Variants in SNX25 observed in about 807,000 individuals in gnomAD.
SNX25 encodes sorting nexin 25, also known as sorting nexin-25.
A neutral mutation model predicts 113.7 loss-of-function variants in SNX25; 62 were observed. The observed-to-expected ratio is 0.55, with a 90% CI of 0.44 to 0.67. The LOEUF (loss-of-function observed/expected upper bound fraction) is 0.67. Among genes scored for constraint, SNX25 ranks in the 30% least tolerant of loss-of-function variants. The pLI is 0.00. For missense variants in SNX25, 1,014 were observed against 1,161.0 expected (o/e 0.87, Z 1.84); for synonymous variants, 421 against 436.2 (o/e 0.97, Z 0.43).
chr4:185,329,149 T>C (rs1021862170), intron 9 of SNX25, among the ~76,000 whole-genome samples: 3 of 152,154 alleles, frequency 2.0e-5, no homozygotes, highest in African/African-American at 7.2e-5. Flanking sequence ...CTATTCGTGG[T>C]TATAAAGTTG....
At chr4:185,307,041 A>G (rs2126656272) in intron 6 of SNX25, among the ~76,000 whole-genome samples, 1 of 152,352 alleles carries the variant, frequency 6.6e-6, no homozygotes, top group Non-Finnish European at 1.5e-5. Context: ...CATCTTGAAC[A>G]AGTCCATGTA....
At chr4:185,205,461 A>T (rs1737147231), upstream of SNX25, among the ~76,000 whole-genome samples, 1 of 152,170 alleles carries the variant, frequency 6.6e-6, no homozygotes, top group Non-Finnish European at 1.5e-5. Flanking sequence ...CTCAAAAAAA[A>T]AAAAAGCAAG....
chr4:185,273,993 C>T (rs72708063), intron 5 of SNX25, among the ~76,000 whole-genome samples: 2,809 of 151,960 alleles, frequency 0.018, 44 homozygotes, highest in Non-Finnish European at 0.029. Flanking sequence ...TCTAGAATTT[C>T]ACCCATCATA....
In SNX25 at chr4:185,353,455, C is replaced by G. The variant is rs759441863; in HGVS notation, c.2467-30C>G. On this transcript the variant is annotated intron_variant, in intron 14 of 18. Transcript: ENST00000652585. ...CTACCAATTTTCTTGGATAAGTTAT[C>G]TGCTTCCTATGACTTTGCTGTATTC... 14 of 1,551,214 alleles carry G rather than the reference C, an allele frequency of 9.0e-6. No homozygotes were observed. The South Asian group carries it at 1.6e-4, about 18-fold the overall frequency.
downstream of SNX25, chr4:185,372,810 G>A (rs1165872889): frequency 1.4e-6 from 2 of 1,446,068 alleles, no homozygotes; most frequent in South Asian, 1.3e-5. Context: ...ATTACCTAGT[G>A]TGTGATATTC....
intron 13 of SNX25, among the ~76,000 whole-genome samples, chr4:185,347,398 C>T (rs1261800535): frequency 6.6e-6 from 1 of 152,086 alleles, no homozygotes; most frequent in Non-Finnish European, 1.5e-5. Context: ...TTATTCTTAG[C>T]CATTTTGGGT....
chr4:185,348,702 T>C (rs1482859486), intron 13 of SNX25, among the ~76,000 whole-genome samples: 2 of 152,208 alleles, frequency 1.3e-5, no homozygotes, highest in Non-Finnish European at 2.9e-5. Flanking sequence ...CAGCCACATT[T>C]ATCATTTCTT....
intron 10 of SNX25, 117 bp from the exon 11 acceptor site, chr4:185,339,262 C>A: frequency 2.2e-6 from 2 of 906,196 alleles, no homozygotes; most frequent in Non-Finnish European, 3.3e-6. Context: ...GGATTATTCA[C>A]TGTTAGTGTA....
At chr4:185,270,332 C>G (rs375552802) in intron 5 of SNX25, among the ~76,000 whole-genome samples, 1 of 152,172 alleles carries the variant, frequency 6.6e-6, no homozygotes, top group Admixed American at 6.5e-5. Context: ...TTTCCTTTCC[C>G]TGCTACTATG....
intron 2 of SNX25, among the ~76,000 whole-genome samples, chr4:185,258,065 T>C (rs1746711510): frequency 6.6e-6 from 1 of 152,184 alleles, no homozygotes; most frequent in South Asian, 2.1e-4. Flanking sequence ...CCATTCCCAC[T>C]AGGACTGAGG....
intron 3 of SNX25, among the ~76,000 whole-genome samples, chr4:185,260,978 G>A (rs1456105322): frequency 2.0e-5 from 3 of 152,084 alleles, no homozygotes; most frequent in South Asian, 2.1e-4. Context: ...TGTGCTATCC[G>A]TTATTTCAAG....
Position 185,323,787 on chromosome 4 carries a change from A to G in SNX25, c.1736A>G (p.Asn579Ser). 1.2e-6 allele frequency: 2 copies of G among 1,613,156 alleles called. No individual in the cohort carries two copies. Among genetic ancestry groups the G allele is most frequent in the East Asian group, 2.2e-5 (1 of 44,784 alleles). Reference protein sequence around the residue: ...EEKHASQMISNKDEMGPRDEA... With the variant: ...EEKHASQMISSKDEMGPRDEA... The stretch of plus-strand genomic sequence containing the variant: ...AAACATGCCTCACAGATGATTTCCA[A>G]CAAGGATGAGATGGTGAGTCACATT... The change falls in exon 9 of 19, where the codon AAC (asparagine) becomes AGC (serine). Residue 579 changes from asparagine to serine, a missense_variant. By Grantham distance (46) the Asn-to-Ser change is conservative (BLOSUM62 1). Coordinates refer to ENST00000652585, the MANE Select transcript of SNX25 (RefSeq NM_001378034.2).
intron 9 of SNX25, among the ~76,000 whole-genome samples, chr4:185,326,664 C>T (rs954384675): frequency 6.6e-6 from 1 of 152,068 alleles, no homozygotes; most frequent in African/African-American, 2.4e-5. Context: ...CAAAGAGAGC[C>T]GAACACCATT....
At chr4:185,367,073 A>G, downstream of SNX25, 6 of 969,808 alleles carry the variant, frequency 6.2e-6, no homozygotes, top group Non-Finnish European at 9.6e-6. Flanking sequence ...TAAAATACCC[A>G]GGATAGTGTA....
chr4:185,253,301 CT>C (rs950753644), intron 2 of SNX25, among the ~76,000 whole-genome samples: 5 of 152,052 alleles, frequency 3.3e-5, no homozygotes, highest in Non-Finnish European at 7.4e-5. Context: ...CTCAGAGTGT[CT>C]TATAAAAGAC....
intron 7 of SNX25, among the ~76,000 whole-genome samples, chr4:185,314,686 C>T (rs570423789): frequency 9.3e-5 from 14 of 150,448 alleles, no homozygotes; most frequent in Middle Eastern, 6.9e-3. Flanking sequence ...GGTGACACCC[C>T]ATCTCTACTA....
At position 185,308,571 on chromosome 4, in the gene SNX25, A is replaced by G. The variant is rs189186537; in HGVS notation, c.1163-2064A>G. Among the ~76,000 whole-genome samples the G allele has an allele frequency of 1.1e-3, 165 of 152,314 alleles. No homozygotes were observed. The Middle Eastern group carries it at 0.024, about 22-fold the overall frequency. On this transcript the variant is annotated intron_variant, in intron 6 of 18. Transcript: ENST00000652585. ...CTAGAAAGAACACAATACCTGATAC[A>G]TATTAGCAAAATGTACCATTTGAGA...
At chr4:185,276,195 A>G (rs74974326) in intron 5 of SNX25, among the ~76,000 whole-genome samples, 3,419 of 152,282 alleles carry the variant, frequency 0.022, 107 homozygotes, top group African/African-American at 0.069. Flanking sequence ...GCACTGAGGT[A>G]TGCATATCTG....
chr4:185,312,525 CT>C (rs35806929), intron 7 of SNX25, among the ~76,000 whole-genome samples: 397 of 139,798 alleles, frequency 2.8e-3, no homozygotes, highest in Middle Eastern at 3.7e-3. Context: ...TTGATTTGTT[CT>C]TTTTTTTTTT....
Sources: gnomAD v4.1 joint callset for allele counts (sites outside exome capture counted in the v4.1 genomes callset) on GRCh38, gnomAD v4.1.1 for gene constraint, MANE v1.5 for transcripts, NCBI Gene and HGNC (gene_info 2026-07-23, HGNC 2026-07-21) for gene names.